Variants in GPR39 observed in about 807,000 individuals in gnomAD.
GPR39 encodes G protein-coupled receptor 39.
Under a neutral mutation model 18.4 loss-of-function variants are expected in GPR39, and 23 were observed. The ratio of observed to expected loss-of-function variants is 1.25; its 90% confidence interval spans 0.90 to 1.77. The LOEUF is 1.77. Ranked by LOEUF, GPR39 falls within the 40% of genes most tolerant of loss-of-function variation. The pLI, the probability that GPR39 is intolerant of heterozygous loss-of-function variation, is 0.00. For missense variants in GPR39, 647 were observed against 602.4 expected (o/e 1.07, Z -0.78); for synonymous variants, 280 against 257.9 (o/e 1.09, Z -0.82).
At chr2:132,626,505 G>A (rs1394782455) in intron 1 of GPR39, among the ~76,000 whole-genome samples, 1 of 152,124 alleles carries the variant, frequency 6.6e-6, no homozygotes, top group African/African-American at 2.4e-5. Context: ...AAGGAGAGCT[G>A]GTTTTTTCTT....
chr2:132,436,515 G>A (rs1680321490), intron 1 of GPR39, among the ~76,000 whole-genome samples: 3 of 152,076 alleles, frequency 2.0e-5, no homozygotes, highest in Admixed American at 2.0e-4. Context: ...CCGCATTTTG[G>A]CCATTTTAAT....
chr2:132,607,688 GT>G (rs757463734), intron 1 of GPR39, among the ~76,000 whole-genome samples: 1 of 152,190 alleles, frequency 6.6e-6, no homozygotes, highest in Non-Finnish European at 1.5e-5. Flanking sequence ...GTTGACTTAT[GT>G]TTCAAAGGAG....
intron 1 of GPR39, among the ~76,000 whole-genome samples, chr2:132,492,535 A>G (rs1316165785): frequency 7.0e-6 from 1 of 143,402 alleles, no homozygotes. Flanking sequence ...CACCATATAT[A>G]TACACCATAT....
chr2:132,562,079 C>T (rs1352257571), intron 1 of GPR39, among the ~76,000 whole-genome samples: 1 of 152,120 alleles, frequency 6.6e-6, no homozygotes, highest in African/African-American at 2.4e-5. Flanking sequence ...TCACAGAGAA[C>T]TTTTAGCAAC....
In GPR39 at chr2:132,606,523, G is replaced by A. The variant is rs1681140449; in HGVS notation, c.857-38578G>A. On this transcript the variant is annotated intron_variant, in intron 1 of 1. Coordinates refer to ENST00000329321, the MANE Select transcript of GPR39 (RefSeq NM_001508.3). ...CAGAGGTTGTGGGTAGCCCTTCTGGGCTCCAACCCATAGCAGCATCTAGGG... is the reference window on the plus strand; with the variant it reads ...CAGAGGTTGTGGGTAGCCCTTCTGGACTCCAACCCATAGCAGCATCTAGGG... Among the ~76,000 whole-genome samples, 4 of 152,332 alleles carry A rather than the reference G, an allele frequency of 2.6e-5. No individual in the cohort carries two copies. In the South Asian group the frequency reaches 8.3e-4, roughly 32 times the overall value.
intron 1 of GPR39, among the ~76,000 whole-genome samples, chr2:132,608,604 A>T (rs368435051): frequency 6.6e-6 from 1 of 152,214 alleles, no homozygotes; most frequent in Non-Finnish European, 1.5e-5. Flanking sequence ...GCAGGTACAG[A>T]TGCCGCTGCT....
At chr2:132,643,110 TTTG>T (rs1288106785) in intron 1 of GPR39, among the ~76,000 whole-genome samples, 1 of 152,160 alleles carries the variant, frequency 6.6e-6, no homozygotes, top group Non-Finnish European at 1.5e-5. Flanking sequence ...ATCAGAAATT[TTTG>T]TTGTTGCTGT....
intron 1 of GPR39, among the ~76,000 whole-genome samples, chr2:132,600,401 A>G (rs72985809): frequency 0.22 from 33,408 of 152,000 alleles, 3,924 homozygotes; most frequent in African/African-American, 0.29. Flanking sequence ...TAAAGATGAG[A>G]GCAGAACTAA....
rs148878743 is a variant in GPR39, at chr2:132,597,601, A to G, written c.857-47500A>G. 2.0e-3 allele frequency among the ~76,000 whole-genome samples: 301 copies of G among 152,342 alleles called. 5 individuals carry two copies. The South Asian group carries it at 0.025, about 13-fold the overall frequency. On this transcript the variant is annotated intron_variant, in intron 1 of 1. Transcript: ENST00000329321. ...AGCACTCTTGGAAGCCCTGCCTCAC[A>G]TTCTGCAGTTTTTACCAGGCTTAAC...
At chr2:132,566,349 G>A (rs1316587778) in intron 1 of GPR39, among the ~76,000 whole-genome samples, 1 of 150,562 alleles carries the variant, frequency 6.6e-6, no homozygotes, top group Non-Finnish European at 1.5e-5. Context: ...CATGTTGTAG[G>A]TTGCCTGTTC....
chr2:132,461,869 A>G (rs1271033008), intron 1 of GPR39, among the ~76,000 whole-genome samples: 1 of 152,214 alleles, frequency 6.6e-6, no homozygotes, highest in African/African-American at 2.4e-5. Flanking sequence ...ACTCAGAACC[A>G]CATGAGTCAG....
chr2:132,584,269 C>G (rs143185552), intron 1 of GPR39, among the ~76,000 whole-genome samples: 3 of 152,096 alleles, frequency 2.0e-5, no homozygotes, highest in Admixed American at 1.3e-4. Context: ...ACAATGTATG[C>G]GTGAAGTCTT....
rs564060347 is a variant in GPR39, at chr2:132,501,162, T to G, written c.856+83264T>G. Among the ~76,000 whole-genome samples the G allele has an allele frequency of 2.6e-5, 4 of 151,884 alleles. No individual in the cohort carries two copies. The East Asian group carries it at 7.8e-4, about 29-fold the overall frequency. ...TTTGGATTGTTCTTGTTTCTCCAGT[T>G]CTGTGAGGTGTGACTTAGATTGTCT... On this transcript the variant is annotated intron_variant, in intron 1 of 1. Transcript: ENST00000329321.
At chr2:132,420,738 G>A (rs530250069) in intron 1 of GPR39, among the ~76,000 whole-genome samples, 2 of 152,104 alleles carry the variant, frequency 1.3e-5, no homozygotes, top group African/African-American at 2.4e-5. Context: ...ATAAATCTAC[G>A]CAAGATGAGG....
chr2:132,442,551 C>T (rs545764273), intron 1 of GPR39, among the ~76,000 whole-genome samples: 50 of 152,334 alleles, frequency 3.3e-4, no homozygotes, highest in African/African-American at 1.1e-3. Context: ...GTCTGATTGC[C>T]AGGAAGGCTT....
intron 1 of GPR39, among the ~76,000 whole-genome samples, chr2:132,578,066 A>AGTT (rs1450440384): frequency 3.7e-5 from 4 of 106,814 alleles, no homozygotes; most frequent in African/African-American, 1.8e-4. Context: ...ATTTTTCTAG[A>AGTT]GTTTTTTTTT....
chr2:132,593,162 A>G (rs1482786527), intron 1 of GPR39, among the ~76,000 whole-genome samples: 3 of 152,172 alleles, frequency 2.0e-5, no homozygotes, highest in African/African-American at 4.8e-5. Flanking sequence ...AACACAATAT[A>G]TGACAACACT....
chr2:132,451,024 G>A (rs4383389), intron 1 of GPR39, among the ~76,000 whole-genome samples: 76,270 of 151,902 alleles, frequency 0.5, 20,902 homozygotes, highest in Non-Finnish European at 0.62. Context: ...GGGCTGGTGG[G>A]ATCAACCTGC....
chr2:132,525,126 C>G (rs1401628746), intron 1 of GPR39, among the ~76,000 whole-genome samples: 1 of 152,200 alleles, frequency 6.6e-6, no homozygotes, highest in Non-Finnish European at 1.5e-5. Context: ...TGCCACACCT[C>G]CCATGAAGCC....
Sources: allele counts gnomAD v4.1 joint callset (sites outside exome capture counted in the v4.1 genomes callset), GRCh38; gene constraint gnomAD v4.1.1; transcripts MANE v1.5; gene names NCBI Gene and HGNC (gene_info 2026-07-23, HGNC 2026-07-21).